THRB: variants seen among roughly 807,000 people sequenced by gnomAD.
THRB encodes nuclear receptor subfamily 1 group A member 2.
THRB carries 12 observed loss-of-function variants against 47.8 expected under a neutral mutation model. The ratio of observed to expected loss-of-function variants is 0.25; its 90% CI spans 0.16 to 0.41. The LOEUF is 0.41. THRB is among the 10% of genes least tolerant of loss of function. THRB has a pLI of 1.00. For missense variants in THRB, 348 were observed against 589.2 expected, an observed-to-expected ratio of 0.59 and a Z score of 4.24; for synonymous variants, 218 against 212.2, an observed-to-expected ratio of 1.03 and a Z score of -0.24.
At chr3:24,391,738 T>A (rs1166472761) in intron 1 of THRB, among the ~76,000 whole-genome samples, 1 of 152,146 alleles carries the variant, frequency 6.6e-6, no homozygotes, top group Admixed American at 6.6e-5. Context: ...GAATACTTCC[T>A]CTGTCCTCTC....
At chr3:24,220,511 G>A (rs1001342431) in intron 4 of THRB, among the ~76,000 whole-genome samples, 2 of 152,090 alleles carry the variant, frequency 1.3e-5, no homozygotes, top group African/African-American at 4.8e-5. Context: ...CTCCCAGAGG[G>A]ATTCTAATAT....
intron 4 of THRB, among the ~76,000 whole-genome samples, chr3:24,207,354 T>A (rs1046853838): frequency 4.6e-5 from 7 of 152,130 alleles, no homozygotes; most frequent in African/African-American, 1.7e-4. Flanking sequence ...CGCAAATCAA[T>A]AAACATAATC....
intron 1 of THRB, among the ~76,000 whole-genome samples, chr3:24,479,250 T>C (rs986673591): frequency 5.9e-5 from 9 of 152,254 alleles, no homozygotes; most frequent in East Asian, 1.9e-4. Flanking sequence ...AGCAGTGAGC[T>C]GAGATTGCGC....
intron 2 of THRB, among the ~76,000 whole-genome samples, chr3:24,299,148 T>C (rs892571552): frequency 2.7e-5 from 4 of 147,834 alleles, no homozygotes; most frequent in African/African-American, 1.0e-4. Flanking sequence ...CTCGGGAGGC[T>C]GAGGCAGGAG....
At chr3:24,396,723 G>A (rs2066994012) in intron 1 of THRB, among the ~76,000 whole-genome samples, 1 of 152,026 alleles carries the variant, frequency 6.6e-6, no homozygotes, top group Non-Finnish European at 1.5e-5. Context: ...TGTTCAAAAA[G>A]GTGTTTTGAA....
rs552537065 is a variant in THRB, at chr3:24,484,287, C to G, written c.-261+10365G>C. Among the ~76,000 whole-genome samples, 8 of 152,234 alleles carry G rather than the reference C, an allele frequency of 5.3e-5. No individual in the cohort carries two copies. In the South Asian group the frequency reaches 1.7e-3, roughly 32 times the overall value. On this transcript the variant is annotated intron_variant, in intron 1 of 10. Coordinates refer to ENST00000646209, the MANE Select transcript of THRB (RefSeq NM_001354712.2). ...TCACTTGAATTAATGATATAATTTA[C>G]TTTTTCATGGAATTTGATAGAATCC...
chr3:24,291,929 T>C (rs1576600090), intron 3 of THRB, among the ~76,000 whole-genome samples: 2 of 152,312 alleles, frequency 1.3e-5, no homozygotes, highest in African/African-American at 4.8e-5. Context: ...TATATGTTCA[T>C]TGTAGGTTTT....
chr3:24,348,149 T>G (rs1308043284), intron 1 of THRB, among the ~76,000 whole-genome samples: 1 of 151,788 alleles, frequency 6.6e-6, no homozygotes, highest in Non-Finnish European at 1.5e-5. Flanking sequence ...CGCAAGAGGG[T>G]TTTCTTTTAA....
In THRB at chr3:24,461,617, A is replaced by C. The variant is rs1412923698; in HGVS notation, c.-261+33035T>G. The stretch of plus-strand genomic sequence containing the variant: ...CAAAGCTTAACAGATTTGTTCTTTA[A>C]AAGTGATCTGATTTTATTTGCATTA... On this transcript the variant is annotated intron_variant, in intron 1 of 10. Transcript: ENST00000646209. Among the ~76,000 whole-genome samples, 3 of 152,340 alleles carry C rather than the reference A, an allele frequency of 2.0e-5. No individual in the cohort carries two copies. In the East Asian group the frequency reaches 5.8e-4, roughly 29 times the overall value.
At chr3:24,430,531 T>C (rs182962284) in intron 1 of THRB, among the ~76,000 whole-genome samples, 1 of 152,216 alleles carries the variant, frequency 6.6e-6, no homozygotes, top group East Asian at 1.9e-4. Flanking sequence ...TATAAATTTA[T>C]TACCACTGAA....
chr3:24,333,677 T>C (rs377413329), intron 2 of THRB, among the ~76,000 whole-genome samples: 12 of 152,252 alleles, frequency 7.9e-5, no homozygotes, highest in African/African-American at 2.2e-4. Context: ...GTCCTGCTTA[T>C]TTAAAGTGTT....
chr3:24,139,758 C>A (rs554987282), intron 8 of THRB, among the ~76,000 whole-genome samples: 4 of 152,182 alleles, frequency 2.6e-5, no homozygotes, highest in African/African-American at 2.4e-5. Flanking sequence ...AAAACTATGT[C>A]AGTAGCTCCT....
At chr3:24,155,747 C>G (rs762136083) in intron 5 of THRB, among the ~76,000 whole-genome samples, 4 of 152,088 alleles carry the variant, frequency 2.6e-5, no homozygotes, top group Non-Finnish European at 5.9e-5. Context: ...GTTTTGTTGC[C>G]AAGAGTGGAC....
chr3:24,484,545 A>G (rs1696990724), intron 1 of THRB, among the ~76,000 whole-genome samples: 1 of 152,216 alleles, frequency 6.6e-6, no homozygotes, highest in African/African-American at 2.4e-5. Flanking sequence ...TCACTTGTCT[A>G]TAATGTGGCT....
chr3:24,243,056 C>T (rs2049716437), intron 3 of THRB, among the ~76,000 whole-genome samples: 1 of 130,460 alleles, frequency 7.7e-6, no homozygotes, highest in Admixed American at 8.3e-5. Flanking sequence ...TCAAAATCAC[C>T]TGCGCACCTT....
At chr3:24,410,580 A>G (rs1161771479) in intron 1 of THRB, among the ~76,000 whole-genome samples, 3 of 151,800 alleles carry the variant, frequency 2.0e-5, no homozygotes, top group South Asian at 2.1e-4. Context: ...CAACACTTAT[A>G]CAAGTCTTCC....
chr3:24,485,007 T>C (rs1239508312), intron 1 of THRB, among the ~76,000 whole-genome samples: 1 of 152,206 alleles, frequency 6.6e-6, no homozygotes, highest in Non-Finnish European at 1.5e-5. Context: ...ATTTCTAATC[T>C]GGATCATTAA....
intron 1 of THRB, among the ~76,000 whole-genome samples, chr3:24,399,735 A>C (rs866838565): frequency 1.3e-5 from 2 of 152,112 alleles, no homozygotes; most frequent in Non-Finnish European, 1.5e-5. Context: ...TTATAGAAAC[A>C]AACACCCAGA....
chr3:24,185,842 G>A (rs929042406), intron 5 of THRB, among the ~76,000 whole-genome samples: 6 of 152,200 alleles, frequency 3.9e-5, no homozygotes, highest in Non-Finnish European at 5.9e-5. Flanking sequence ...TAGGGCATGA[G>A]AGGGTAGAGG....
Sources: gnomAD v4.1 joint callset for allele counts (sites outside exome capture counted in the v4.1 genomes callset) on GRCh38, gnomAD v4.1.1 for gene constraint, MANE v1.5 for transcripts, NCBI Gene and HGNC (gene_info 2026-07-23, HGNC 2026-07-21) for gene names.